The following ADAMTS18 variants were observed in gnomAD, a reference collection of about 807,000 sequenced individuals.
ADAMTS18 encodes A disintegrin and metalloproteinase with thrombospondin motifs 18.
In ADAMTS18, 157 loss-of-function variants were observed where a neutral mutation model predicts 165.9. The ratio of observed to expected loss-of-function variants is 0.95; its 90% CI spans 0.83 to 1.08. The LOEUF (loss-of-function observed/expected upper bound fraction) is 1.08, where lower values mean the gene tolerates loss of function less well. Among genes scored for constraint, ADAMTS18 ranks in the 50% least tolerant of loss-of-function variants. ADAMTS18 has a pLI of 0.00. For missense variants in ADAMTS18, 2,040 were observed against 1,534.0 expected (o/e 1.33, Z -5.51); for synonymous variants, 782 against 578.2 (o/e 1.35, Z -5.06).
At chr16:77,369,931 T>C (rs993329448) in intron 3 of ADAMTS18, among the ~76,000 whole-genome samples, 2 of 152,164 alleles carry the variant, frequency 1.3e-5, no homozygotes, top group Non-Finnish European at 2.9e-5. Flanking sequence ...TAGTTTAACA[T>C]ACATTAATCA....
intron 3 of ADAMTS18, among the ~76,000 whole-genome samples, chr16:77,388,022 C>T (rs1179978075): frequency 6.6e-6 from 1 of 152,166 alleles, no homozygotes; most frequent in Non-Finnish European, 1.5e-5. Context: ...TTCTTTAAAC[C>T]AGCTAAACCT....
rs751818903 is a variant in ADAMTS18, at chr16:77,434,659, C to G, written c.37G>C (p.Ala13Pro). ...CCCCTCGGCGGGCCCGAACCCGCAG[C>G]CGGGAAGGCACACGCGAGCAGGAGG... ...CALLLACAFP[A>P]AGSGPPRGLA... The change falls in exon 1 of 23, where the codon GCT becomes CCT. Residue 13 changes from alanine (A) to proline (P), a missense_variant. Ala to Pro is a conservative substitution (Grantham distance 27). Coordinates refer to ENST00000282849, the MANE Select transcript of ADAMTS18 (RefSeq NM_199355.4). The G allele has an allele frequency of 9.7e-4, 1,435 of 1,479,536 alleles. 3 individuals are homozygous for G. The highest frequency in any genetic ancestry group is 1.1e-3 in the Non-Finnish European group (1,290 of 1,122,032). The allele number at this position is 1,479,536 out of a possible 1,614,324, so 91.7% of individuals were successfully genotyped here.
At chr16:77,417,298 GTGGGTGGATGGA>G (rs928259719) in intron 3 of ADAMTS18, among the ~76,000 whole-genome samples, 2 of 152,160 alleles carry the variant, frequency 1.3e-5, no homozygotes, top group Admixed American at 1.3e-4. Flanking sequence ...GAGTGGGTGT[GTGGGTGGATGGA>G]TGGGAGAATG....
At chr16:77,430,910 G>T (rs911411181) in intron 3 of ADAMTS18, among the ~76,000 whole-genome samples, 1 of 152,112 alleles carries the variant, frequency 6.6e-6, no homozygotes, top group Non-Finnish European at 1.5e-5. Context: ...ATGCAATTTC[G>T]CATTGAAATA....
intron 3 of ADAMTS18, among the ~76,000 whole-genome samples, chr16:77,430,736 C>A (rs985272482): frequency 3.9e-5 from 6 of 152,192 alleles, no homozygotes; most frequent in African/African-American, 1.2e-4. Flanking sequence ...TTAAAAGGTT[C>A]TGCTTCCCTG....
intron 7 of ADAMTS18, among the ~76,000 whole-genome samples, chr16:77,359,873 G>A (rs953647922): frequency 2.6e-5 from 4 of 152,142 alleles, no homozygotes; most frequent in African/African-American, 9.7e-5. Flanking sequence ...ACATATCCTG[G>A]TCTTTTACTA....
chr16:77,307,317 T>C (rs2055699288), intron 16 of ADAMTS18, among the ~76,000 whole-genome samples: 1 of 152,182 alleles, frequency 6.6e-6, no homozygotes. Context: ...CCCATTTTCT[T>C]TGACTTATTT....
intron 12 of ADAMTS18, among the ~76,000 whole-genome samples, chr16:77,327,969 TG>T (rs2056124186): frequency 6.6e-6 from 1 of 152,202 alleles, no homozygotes; most frequent in Non-Finnish European, 1.5e-5. Flanking sequence ...GTGTTTCTTC[TG>T]ATTGATTCTG....
intron 3 of ADAMTS18, among the ~76,000 whole-genome samples, chr16:77,374,316 T>C (rs911984816): frequency 6.6e-5 from 10 of 151,710 alleles, no homozygotes; most frequent in Non-Finnish European, 1.3e-4. Flanking sequence ...AAACCAGACA[T>C]AGGAAGTGAC....
At chr16:77,355,633 C>T (rs912047455) in intron 9 of ADAMTS18, among the ~76,000 whole-genome samples, 1 of 152,076 alleles carries the variant, frequency 6.6e-6, no homozygotes, top group Non-Finnish European at 1.5e-5. Flanking sequence ...CTGCAACTTA[C>T]CAGCGATAGT....
intron 8 of ADAMTS18, among the ~76,000 whole-genome samples, chr16:77,357,209 A>G (rs1345420413): frequency 2.0e-5 from 3 of 152,096 alleles, no homozygotes; most frequent in African/African-American, 7.2e-5. Flanking sequence ...TACCAAATAA[A>G]TATGTTACGA....
chr16:77,431,035 G>GTCA (rs2057732758), intron 3 of ADAMTS18, among the ~76,000 whole-genome samples: 1 of 152,210 alleles, frequency 6.6e-6, no homozygotes, highest in Non-Finnish European at 1.5e-5. Flanking sequence ...TTTCCTTGGG[G>GTCA]ATCATCTCAA....
intron 3 of ADAMTS18, among the ~76,000 whole-genome samples, chr16:77,427,154 C>T (rs142016848): frequency 1.2e-3 from 188 of 152,266 alleles, no homozygotes; most frequent in East Asian, 8.9e-3. Context: ...TTCCTGTGTC[C>T]AGCCTCCCTG....
intron 21 of ADAMTS18, chr16:77,290,635 G>C (rs1431624928): frequency 1.9e-5 from 3 of 160,540 alleles, no homozygotes; most frequent in Non-Finnish European, 1.4e-5. Flanking sequence ...GAACTGAACA[G>C]CTGTGCAGCA....
intron 4 of ADAMTS18, 68 bp from the exon 5 acceptor site, chr16:77,364,449 A>C: frequency 1.3e-6 from 2 of 1,528,676 alleles, no homozygotes; most frequent in Non-Finnish European, 1.8e-6. Context: ...TTGAGAGAGA[A>C]ACTGAAACAA....
intron 3 of ADAMTS18, among the ~76,000 whole-genome samples, chr16:77,411,296 TC>T (rs1232274035): frequency 6.6e-6 from 1 of 152,170 alleles, no homozygotes; most frequent in Non-Finnish European, 1.5e-5. Flanking sequence ...GCAAGACCTT[TC>T]CTGGCATTCT....
chr16:77,344,825 G>C (rs2056451812), intron 10 of ADAMTS18, among the ~76,000 whole-genome samples: 1 of 152,022 alleles, frequency 6.6e-6, no homozygotes, highest in African/African-American at 2.4e-5. Context: ...GAGTACAGAA[G>C]TCAAGGGTAA....
intron 22 of ADAMTS18, among the ~76,000 whole-genome samples, chr16:77,285,567 C>T (rs1166400477): frequency 6.6e-6 from 1 of 151,264 alleles, no homozygotes; most frequent in Admixed American, 6.6e-5. Flanking sequence ...CTTCTTCAAG[C>T]CTTGATTTTT....
intron 22 of ADAMTS18, among the ~76,000 whole-genome samples, chr16:77,285,319 CCCA>C (rs2055227569): frequency 6.6e-6 from 1 of 152,076 alleles, no homozygotes; most frequent in South Asian, 2.1e-4. Context: ...ATTACAGGCA[CCCA>C]CCACCACGCC....
Sources: gnomAD v4.1 joint callset for allele counts (sites outside exome capture counted in the v4.1 genomes callset) on GRCh38, gnomAD v4.1.1 for gene constraint, MANE v1.5 for transcripts, NCBI Gene and HGNC (gene_info 2026-07-23, HGNC 2026-07-21) for gene names.